CCSER1: variants seen among roughly 807,000 people sequenced by gnomAD.
CCSER1 encodes the protein serine-rich coiled-coil domain-containing protein 1.
In CCSER1, 41 loss-of-function variants were observed where a neutral mutation model predicts 82.0. That is an observed-to-expected ratio of 0.50 (90% CI 0.39 to 0.65). CCSER1 has a LOEUF of 0.65. Among genes scored for constraint, CCSER1 ranks in the 30% least tolerant of loss-of-function variants. CCSER1 has a pLI of 0.00. For synonymous variants in CCSER1, 414 were observed against 383.9 expected, an observed-to-expected ratio of 1.08 and a Z score of -0.92; for missense variants, 1,119 against 1,064.2, an observed-to-expected ratio of 1.05 and a Z score of -0.72.
At chr4:91,080,082 A>G (rs1722532298) in intron 9 of CCSER1, among the ~76,000 whole-genome samples, 1 of 152,218 alleles carries the variant, frequency 6.6e-6, no homozygotes, top group Non-Finnish European at 1.5e-5. Flanking sequence ...AGACATCTAC[A>G]GAACTCTCCA....
chr4:91,410,546 C>T (rs758435242), intron 10 of CCSER1, among the ~76,000 whole-genome samples: 1 of 152,084 alleles, frequency 6.6e-6, no homozygotes, highest in Non-Finnish European at 1.5e-5. Context: ...CCTATTTTTA[C>T]AAAAGAATTT....
intron 10 of CCSER1, among the ~76,000 whole-genome samples, chr4:91,185,770 T>C (rs1445136581): frequency 1.3e-5 from 2 of 152,178 alleles, no homozygotes; most frequent in African/African-American, 4.8e-5. Context: ...ACTCTCTGAA[T>C]TTTTCTACAT....
At chr4:90,675,600 G>T in intron 6 of CCSER1, among the ~76,000 whole-genome samples, 2 of 136,014 alleles carry the variant, frequency 1.5e-5, no homozygotes, top group Non-Finnish European at 1.6e-5. Flanking sequence ...TGAAAACTTT[G>T]TTAACACACA....
At chr4:90,325,635 A>C (rs1738033560) in intron 3 of CCSER1, 1 of 449,856 alleles carries the variant, frequency 2.2e-6, no homozygotes, top group African/African-American at 2.0e-5. Context: ...TAGATGCTTC[A>C]CAATTTGCAG....
At chr4:90,522,695 C>T (rs1263091062) in intron 5 of CCSER1, among the ~76,000 whole-genome samples, 1 of 152,164 alleles carries the variant, frequency 6.6e-6, no homozygotes, top group East Asian at 1.9e-4. Context: ...AAGACTGTGA[C>T]TTCCATGAAG....
At chr4:90,910,560 A>G (rs1239196193) in intron 8 of CCSER1, among the ~76,000 whole-genome samples, 1 of 152,190 alleles carries the variant, frequency 6.6e-6, no homozygotes, top group Non-Finnish European at 1.5e-5. Flanking sequence ...TTAATTTTGT[A>G]AGCCCTATTA....
intron 5 of CCSER1, among the ~76,000 whole-genome samples, chr4:90,613,519 G>A (rs142644727): frequency 8.7e-4 from 132 of 152,258 alleles, no homozygotes; most frequent in Middle Eastern, 6.8e-3. Context: ...TTCTGTCTTC[G>A]TCCTTTGTTG....
intron 7 of CCSER1, among the ~76,000 whole-genome samples, chr4:90,801,536 G>A (rs1170269103): frequency 6.6e-6 from 1 of 152,076 alleles, no homozygotes; most frequent in African/African-American, 2.4e-5. Flanking sequence ...TTCCTCAATT[G>A]CTTGAAAATC....
chr4:91,085,895 A>G lies in CCSER1; in HGVS notation c.2173-55A>G. 3.1e-6 allele frequency: 3 copies of G among 979,412 alleles called. No homozygotes were observed. In the South Asian group the frequency reaches 4.4e-5, roughly 14 times the overall value. 60.7% of individuals were successfully genotyped at this position (979,412 alleles called of 1,614,324 possible). On this transcript the variant is annotated intron_variant, in intron 9 of 10. Coordinates refer to ENST00000509176, the MANE Select transcript of CCSER1 (RefSeq NM_001145065.2). ...TTTCAAAATTATTGCACTAATATGAATTATTATTTAATTCTTCGTTGCCAA... is the reference window on the plus strand; with the variant it reads ...TTTCAAAATTATTGCACTAATATGAGTTATTATTTAATTCTTCGTTGCCAA...
chr4:90,213,510 G>T (rs939165079), intron 1 of CCSER1, among the ~76,000 whole-genome samples: 12 of 152,126 alleles, frequency 7.9e-5, no homozygotes, highest in Non-Finnish European at 1.8e-4. Context: ...CATTTACCAC[G>T]TGGAACTAGG....
chr4:91,142,170 G>A lies in CCSER1; in HGVS notation c.2217+56176G>A, dbSNP rs566663291. ...AGGTGGAGATAATTGAATCATGGGG[G>A]CAATTTCCCCCATACTGTTCTTGTG... On this transcript the variant is annotated intron_variant, in intron 10 of 10. Transcript: ENST00000509176. Among the ~76,000 whole-genome samples the A allele has an allele frequency of 2.6e-5, 4 of 152,070 alleles. No homozygotes were observed. In the South Asian group the frequency reaches 6.2e-4, roughly 24 times the overall value.
intron 9 of CCSER1, among the ~76,000 whole-genome samples, chr4:90,947,205 T>C (rs1365233323): frequency 6.6e-6 from 1 of 152,198 alleles, no homozygotes; most frequent in African/African-American, 2.4e-5. Flanking sequence ...AAATGAAGTT[T>C]AACCAGCAAA....
chr4:91,472,315 G>A (rs1359771392), intron 10 of CCSER1, among the ~76,000 whole-genome samples: 2 of 152,122 alleles, frequency 1.3e-5, no homozygotes, highest in South Asian at 2.1e-4. Context: ...TCACTAAAAT[G>A]TCTTGGCTGG....
chr4:91,313,760 C>G (rs1045242511), intron 10 of CCSER1, among the ~76,000 whole-genome samples: 27 of 151,846 alleles, frequency 1.8e-4, no homozygotes, highest in South Asian at 4.1e-4. Context: ...GAAAAGATGA[C>G]CCAGTCCAAG....
At chr4:91,162,651 AGTCTT>A (rs1203103914) in intron 10 of CCSER1, among the ~76,000 whole-genome samples, 1 of 152,060 alleles carries the variant, frequency 6.6e-6, no homozygotes, top group African/African-American at 2.4e-5. Context: ...TTCCTGGTTT[AGTCTT>A]GGGAGGGTGT....
intron 1 of CCSER1, among the ~76,000 whole-genome samples, chr4:90,254,061 C>T (rs1480756398): frequency 6.6e-6 from 1 of 152,102 alleles, no homozygotes; most frequent in Non-Finnish European, 1.5e-5. Context: ...TGTGTCTTTT[C>T]CTGGTTTTAT....
intron 9 of CCSER1, among the ~76,000 whole-genome samples, chr4:91,019,682 G>A (rs2150523221): frequency 6.6e-6 from 1 of 152,216 alleles, no homozygotes. Flanking sequence ...GAATAACAAT[G>A]TATGTAATTC....
At chr4:91,451,807 TTAG>T (rs1755883479) in intron 10 of CCSER1, among the ~76,000 whole-genome samples, 1 of 151,846 alleles carries the variant, frequency 6.6e-6, no homozygotes, top group African/African-American at 2.4e-5. Context: ...AAATAAAACT[TTAG>T]TAGTAAGTAA....
In CCSER1 at chr4:91,206,934, T is replaced by C. The variant is rs72872996; in HGVS notation, c.2217+120940T>C. ...TATCTTAGACATTGTAGTACTCACCTTTAAGTTCCAAACAATTAATTGCTT... is the reference window on the plus strand; with the variant it reads ...TATCTTAGACATTGTAGTACTCACCCTTAAGTTCCAAACAATTAATTGCTT... On this transcript the variant is annotated intron_variant, in intron 10 of 10. Transcript: ENST00000509176. 9.4e-3 allele frequency among the ~76,000 whole-genome samples: 1,423 copies of C among 151,992 alleles called. 22 individuals carry two copies. The highest frequency in any genetic ancestry group is 0.032 in the African/African-American group (1,345 of 41,516).
Sources: gnomAD v4.1 joint callset for allele counts (sites outside exome capture counted in the v4.1 genomes callset) on GRCh38, gnomAD v4.1.1 for gene constraint, MANE v1.5 for transcripts, NCBI Gene and HGNC (gene_info 2026-07-23, HGNC 2026-07-21) for gene names.